GABRG3: variants seen among roughly 807,000 people sequenced by gnomAD.
GABRG3 encodes gamma-aminobutyric acid receptor subunit gamma-3.
GABRG3 carries 25 observed loss-of-function variants against 48.8 expected under a neutral mutation model. The ratio of observed to expected loss-of-function variants is 0.51; its 90% CI spans 0.37 to 0.72. The LOEUF (loss-of-function observed/expected upper bound fraction) is 0.72. GABRG3 is among the 30% of genes least tolerant of loss of function. The pLI, the probability that GABRG3 is intolerant of heterozygous loss-of-function variation, is 0.00. For synonymous variants in GABRG3, 227 were observed against 217.6 expected, an observed-to-expected ratio of 1.04 and a Z score of -0.38; for missense variants, 394 against 577.9, an observed-to-expected ratio of 0.68 and a Z score of 3.26.
At chr15:27,233,248 A>G (rs148120267) in intron 3 of GABRG3, among the ~76,000 whole-genome samples, 1 of 152,294 alleles carries the variant, frequency 6.6e-6, no homozygotes, top group Non-Finnish European at 1.5e-5. Flanking sequence ...TTTAATTTCC[A>G]GTGGTTTTAT....
At chr15:26,996,495 TTC>T (rs995102910) in intron 2 of GABRG3, among the ~76,000 whole-genome samples, 9 of 152,202 alleles carry the variant, frequency 5.9e-5, no homozygotes, top group African/African-American at 1.7e-4. Flanking sequence ...TTCCAAGATT[TTC>T]TCTCTGTGTT....
At chr15:27,381,329 TC>T (rs1398088874) in intron 5 of GABRG3, among the ~76,000 whole-genome samples, 1 of 152,224 alleles carries the variant, frequency 6.6e-6, no homozygotes, top group African/African-American at 2.4e-5. Context: ...GGTTTCTTAT[TC>T]CCTCCTCCTT....
intron 3 of GABRG3, among the ~76,000 whole-genome samples, chr15:27,309,257 T>G (rs1012114452): frequency 1.3e-5 from 2 of 151,592 alleles, no homozygotes; most frequent in Admixed American, 6.6e-5. Flanking sequence ...AACACACATA[T>G]ACACGTACAC....
At chr15:27,512,805 A>G (rs1247910881) in intron 6 of GABRG3, among the ~76,000 whole-genome samples, 1 of 152,142 alleles carries the variant, frequency 6.6e-6, no homozygotes, top group Non-Finnish European at 1.5e-5. Flanking sequence ...GAGGCAACCC[A>G]TTTGTGCTGA....
chr15:27,196,111 T>A (rs571044943), intron 3 of GABRG3, among the ~76,000 whole-genome samples: 15 of 152,294 alleles, frequency 9.8e-5, no homozygotes, highest in African/African-American at 3.4e-4. Flanking sequence ...ACACCACCCT[T>A]GCAAGAGTGG....
chr15:27,081,844 T>C (rs1355142773), intron 3 of GABRG3, among the ~76,000 whole-genome samples: 1 of 152,202 alleles, frequency 6.6e-6, no homozygotes, highest in East Asian at 1.9e-4. Context: ...GACATCGATT[T>C]TCAATAGAAA....
At chr15:27,511,989 G>C (rs1478018605) in intron 6 of GABRG3, among the ~76,000 whole-genome samples, 1 of 152,174 alleles carries the variant, frequency 6.6e-6, no homozygotes, top group Non-Finnish European at 1.5e-5. Flanking sequence ...ACAGCAGAAG[G>C]GACAGTGGGG....
intron 3 of GABRG3, among the ~76,000 whole-genome samples, chr15:27,304,289 G>C (rs1205511004): frequency 6.6e-6 from 1 of 151,818 alleles, no homozygotes; most frequent in Non-Finnish European, 1.5e-5. Context: ...TGGAAGATAT[G>C]ACACTTTATA....
chr15:27,237,701 T>C (rs1278440943), intron 3 of GABRG3, among the ~76,000 whole-genome samples: 2 of 152,242 alleles, frequency 1.3e-5, no homozygotes, highest in African/African-American at 4.8e-5. Flanking sequence ...ATCAGCTTAA[T>C]AAGTTACTTC....
At chr15:27,209,745 T>C (rs2140433962) in intron 3 of GABRG3, among the ~76,000 whole-genome samples, 1 of 152,338 alleles carries the variant, frequency 6.6e-6, no homozygotes, top group South Asian at 2.1e-4. Flanking sequence ...TGTAAGAGAA[T>C]GCCACAGACT....
At chr15:27,357,392 T>C (rs112066421) in intron 5 of GABRG3, among the ~76,000 whole-genome samples, 1 of 152,328 alleles carries the variant, frequency 6.6e-6, no homozygotes, top group African/African-American at 2.4e-5. Context: ...ATGCTCTCAG[T>C]CCTACACAAG....
chr15:27,040,228 G>A (rs767137668), intron 3 of GABRG3, among the ~76,000 whole-genome samples: 16 of 152,240 alleles, frequency 1.1e-4, no homozygotes, highest in South Asian at 2.1e-4. Context: ...CCAGGCTTCC[G>A]TCCACAGAAA....
At chr15:27,208,398 A>G in intron 3 of GABRG3, 1 of 224,528 alleles carries the variant, frequency 4.5e-6, no homozygotes, top group African/African-American at 2.3e-5. Context: ...GTGATGCCAG[A>G]GTCCTTGGAG....
intron 1 of GABRG3, among the ~76,000 whole-genome samples, chr15:26,973,075 C>T (rs965679473): frequency 6.6e-6 from 1 of 152,228 alleles, no homozygotes; most frequent in African/African-American, 2.4e-5. Flanking sequence ...AGTCACATCT[C>T]TGCCACCTTT....
chr15:27,254,872 G>A (rs1260617043), intron 3 of GABRG3, among the ~76,000 whole-genome samples: 2 of 113,532 alleles, frequency 1.8e-5, no homozygotes, highest in Non-Finnish European at 4.0e-5. Context: ...GCTTTATTGA[G>A]AGAGAGAGAG....
intron 5 of GABRG3, among the ~76,000 whole-genome samples, chr15:27,438,831 T>C (rs954507326): frequency 1.3e-5 from 2 of 152,158 alleles, no homozygotes; most frequent in African/African-American, 4.8e-5. Context: ...CCAGCCAGGG[T>C]GCTTGGCCCA....
intron 5 of GABRG3, among the ~76,000 whole-genome samples, chr15:27,428,724 T>G (rs2140620655): frequency 6.6e-6 from 1 of 152,312 alleles, no homozygotes; most frequent in Non-Finnish European, 1.5e-5. Context: ...GAAGTCTTCC[T>G]TCACCACAGG....
intron 5 of GABRG3, among the ~76,000 whole-genome samples, chr15:27,467,564 G>A (rs1211637209): frequency 2.0e-5 from 3 of 152,250 alleles, no homozygotes; most frequent in African/African-American, 7.2e-5. Context: ...AGGTACTGCT[G>A]TTTGGGGCCT....
At chr15:27,495,274 C>A (rs1320586532) in intron 6 of GABRG3, among the ~76,000 whole-genome samples, 1 of 152,284 alleles carries the variant, frequency 6.6e-6, no homozygotes, top group Non-Finnish European at 1.5e-5. Flanking sequence ...GGATGTTCAT[C>A]CACGTTGTAG....
Sources: allele counts gnomAD v4.1 joint callset (sites outside exome capture counted in the v4.1 genomes callset), GRCh38; gene constraint gnomAD v4.1.1; transcripts MANE v1.5; gene names NCBI Gene and HGNC (gene_info 2026-07-23, HGNC 2026-07-21).